The following ZNF385D variants were observed in gnomAD, a reference collection of about 807,000 sequenced individuals.
ZNF385D encodes zinc finger protein 385D, also known as zinc finger protein 659.
Under a neutral mutation model 35.8 loss-of-function variants are expected in ZNF385D, and 15 were observed. The observed-to-expected ratio is 0.42, with a 90% CI of 0.28 to 0.64. The LOEUF (loss-of-function observed/expected upper bound fraction) is 0.64, where lower values mean the gene tolerates loss of function less well. Ranked by LOEUF, ZNF385D falls within the 30% of genes least tolerant of loss-of-function variation. ZNF385D has a pLI of 0.23. For synonymous variants in ZNF385D, 212 were observed against 186.8 expected, an observed-to-expected ratio of 1.13 and a Z score of -1.10; for missense variants, 474 against 494.6, an observed-to-expected ratio of 0.96 and a Z score of 0.39.
At chr3:22,237,422 T>C (rs998176776) in intron 2 of ZNF385D, among the ~76,000 whole-genome samples, 1 of 152,186 alleles carries the variant, frequency 6.6e-6, no homozygotes. Flanking sequence ...TCTTACTACA[T>C]ATATGATTTG....
intron 2 of ZNF385D, among the ~76,000 whole-genome samples, chr3:22,278,362 G>A (rs1021776760): frequency 6.6e-6 from 1 of 152,042 alleles, no homozygotes; most frequent in Non-Finnish European, 1.5e-5. Flanking sequence ...GAAGTCTTTG[G>A]TAATTGATTC....
intron 3 of ZNF385D, among the ~76,000 whole-genome samples, chr3:21,981,634 G>C (rs898788244): frequency 1.3e-5 from 2 of 152,046 alleles, no homozygotes; most frequent in Admixed American, 1.3e-4. Flanking sequence ...TAAAATCTTT[G>C]CCTGTTCCTA....
At chr3:22,133,165 C>T (rs769837446) in intron 3 of ZNF385D, among the ~76,000 whole-genome samples, 17 of 152,102 alleles carry the variant, frequency 1.1e-4, no homozygotes, top group Non-Finnish European at 2.5e-4. Context: ...AATACCCTTC[C>T]TGGAGATATA....
intron 3 of ZNF385D, among the ~76,000 whole-genome samples, chr3:22,139,012 T>C (rs1704328181): frequency 6.6e-6 from 1 of 152,112 alleles, no homozygotes; most frequent in African/African-American, 2.4e-5. Context: ...GCAAAGGATA[T>C]GAACAGACAC....
intron 3 of ZNF385D, among the ~76,000 whole-genome samples, chr3:22,022,020 G>T (rs532173005): frequency 6.6e-6 from 1 of 152,166 alleles, no homozygotes; most frequent in East Asian, 1.9e-4. Context: ...CAGAATAAAG[G>T]CTACGTGGTT....
At chr3:22,123,450 C>A (rs1576357965) in intron 3 of ZNF385D, among the ~76,000 whole-genome samples, 1 of 152,262 alleles carries the variant, frequency 6.6e-6, no homozygotes, top group East Asian at 1.9e-4. Flanking sequence ...TGTGTAATCA[C>A]ACCACGGTAA....
chr3:22,159,886 C>T (rs1705836470), intron 3 of ZNF385D, among the ~76,000 whole-genome samples: 1 of 152,058 alleles, frequency 6.6e-6, no homozygotes, highest in Non-Finnish European at 1.5e-5. Context: ...GAGGAAAGCG[C>T]CACATTTCAA....
chr3:21,773,692 A>C (rs77135922), intron 3 of ZNF385D, among the ~76,000 whole-genome samples: 12,224 of 151,982 alleles, frequency 0.08, 674 homozygotes, highest in South Asian at 0.17. Context: ...CCTGATCATT[A>C]GAGAAATGAA....
rs140828579 is a variant in ZNF385D, at chr3:21,782,493, G to C, written c.326-117465C>G. 5.4e-3 allele frequency among the ~76,000 whole-genome samples: 825 copies of C among 152,158 alleles called. 12 individuals carry two copies. Among genetic ancestry groups the C allele is most frequent in the African/African-American group, 0.019 (782 of 41,518 alleles). ...TTCAGGGTTGTTTTATCTAGAATTT[G>C]ATCATTTTAATTGTCACACTGTGCA... On this transcript the variant is annotated intron_variant, in intron 3 of 5. Coordinates refer to the ZNF385D transcript ENST00000494108.
chr3:21,992,945 C>A (rs1485728071), intron 3 of ZNF385D, among the ~76,000 whole-genome samples: 1 of 152,082 alleles, frequency 6.6e-6, no homozygotes, highest in Non-Finnish European at 1.5e-5. Flanking sequence ...TTCTAATTAC[C>A]AAATTGTACA....
chr3:21,756,729 A>C (rs951315230), intron 3 of ZNF385D, among the ~76,000 whole-genome samples: 4 of 152,198 alleles, frequency 2.6e-5, no homozygotes, highest in Admixed American at 2.6e-4. Context: ...TTTTGAATGC[A>C]TATGTGTTGA....
At chr3:22,038,871 T>C (rs113432212) in intron 3 of ZNF385D, among the ~76,000 whole-genome samples, 4 of 150,468 alleles carry the variant, frequency 2.7e-5, no homozygotes, top group African/African-American at 7.3e-5. Flanking sequence ...AAAGATATAA[T>C]AAGGTTATAT....
intron 3 of ZNF385D, among the ~76,000 whole-genome samples, chr3:22,064,446 C>A (rs1274475952): frequency 6.6e-6 from 1 of 151,382 alleles, no homozygotes; most frequent in East Asian, 1.9e-4. Context: ...ATATATACCC[C>A]AAAAAATTAA....
chr3:22,010,237 G>T (rs927476955), intron 3 of ZNF385D, among the ~76,000 whole-genome samples: 1 of 152,178 alleles, frequency 6.6e-6, no homozygotes, highest in Non-Finnish European at 1.5e-5. Flanking sequence ...CATAAAACGT[G>T]GAATGATCAG....
At chr3:22,310,464 T>C (rs1476327342) in intron 2 of ZNF385D, among the ~76,000 whole-genome samples, 2 of 151,956 alleles carry the variant, frequency 1.3e-5, no homozygotes, top group Admixed American at 6.6e-5. Context: ...CACTGTCAGT[T>C]TTAGAACATT....
At chr3:21,546,170 T>G (rs1233764579) in intron 3 of ZNF385D, among the ~76,000 whole-genome samples, 1 of 152,176 alleles carries the variant, frequency 6.6e-6, no homozygotes, top group Non-Finnish European at 1.5e-5. Context: ...ATTAGTTGTT[T>G]TTAAGTTTTT....
intron 2 of ZNF385D, among the ~76,000 whole-genome samples, chr3:22,336,089 G>C (rs1695148122): frequency 6.6e-6 from 1 of 152,080 alleles, no homozygotes; most frequent in African/African-American, 2.4e-5. Context: ...TAAGTAATCT[G>C]AAAGATTGGG....
At chr3:21,828,552 T>C (rs2125756660) in intron 3 of ZNF385D, among the ~76,000 whole-genome samples, 1 of 152,360 alleles carries the variant, frequency 6.6e-6, no homozygotes, top group East Asian at 1.9e-4. Context: ...CACTTTGGCA[T>C]GTGCTTTATC....
At chr3:21,620,728 C>A (rs2064981199) in intron 2 of ZNF385D, among the ~76,000 whole-genome samples, 1 of 152,206 alleles carries the variant, frequency 6.6e-6, no homozygotes, top group African/African-American at 2.4e-5. Context: ...CGAACAGGAA[C>A]AAGGGTAGTT....
Sources: gnomAD v4.1 joint callset for allele counts (sites outside exome capture counted in the v4.1 genomes callset) on GRCh38, gnomAD v4.1.1 for gene constraint, MANE v1.5 for transcripts, NCBI Gene and HGNC (gene_info 2026-07-23, HGNC 2026-07-21) for gene names.